Variants in RSL1D1 observed in about 807,000 individuals in gnomAD.
RSL1D1 encodes the protein ribosomal L1 domain containing 1.
In RSL1D1, 34 loss-of-function variants were observed where a neutral mutation model predicts 44.6. That is an observed-to-expected ratio of 0.76 (90% confidence interval 0.58 to 1.02). The LOEUF is 1.02. Among genes scored for constraint, RSL1D1 ranks in the 50% least tolerant of loss-of-function variants. The pLI, the probability that RSL1D1 is intolerant of heterozygous loss-of-function variation, is 0.00. For synonymous variants in RSL1D1, 271 were observed against 207.4 expected (o/e 1.31, Z -2.63); for missense variants, 767 against 568.1 (o/e 1.35, Z -3.56).
chr16:11,839,045 G>A (rs2053743509), intron 8 of RSL1D1, among the ~76,000 whole-genome samples: 1 of 151,930 alleles, frequency 6.6e-6, no homozygotes, highest in Non-Finnish European at 1.5e-5. Context: ...ATGGTGTAGG[G>A]CAAGGGTTCC....
rs2053735505 is a variant in RSL1D1 at position 11,838,130 on chromosome 16, T to A, written c.1147-17A>T. On this transcript the variant is annotated splice_polypyrimidine_tract_variant and intron_variant, in intron 8 of 8. Coordinates refer to ENST00000571133, the MANE Select transcript of RSL1D1 (RefSeq NM_015659.3). ...TTTTTGAATCTAAGAAAAAAAAAAG[T>A]AAGTTTAATATAGAAAAAGCCACAA... The A allele has an allele frequency of 6.5e-7, 1 of 1,530,896 alleles. No homozygotes were observed. The highest frequency in any genetic ancestry group is 1.4e-5 in the African/African-American group (1 of 71,398). The allele number at this position is 1,530,896 out of a possible 1,614,324, so 94.8% of individuals were successfully genotyped here.
chr16:11,839,355 G>A (rs1448490664), intron 8 of RSL1D1, among the ~76,000 whole-genome samples: 1 of 139,560 alleles, frequency 7.2e-6, no homozygotes, highest in East Asian at 2.1e-4. Context: ...GACAGAGTGA[G>A]ACTCCATCTT....
At position 11,851,469 on chromosome 16, in the gene RSL1D1, G is replaced by A. The variant is rs1179464797; in HGVS notation, c.44C>T (p.Thr15Ile). 1.7e-5 allele frequency: 27 copies of A among 1,613,992 alleles called. No individual in the cohort carries two copies. Among genetic ancestry groups the A allele is most frequent in the Middle Eastern group, 1.7e-4 (1 of 6,042 alleles). ...CGCTGGAGTCGAGGTGGAGGTTCCA[G>A]TAGCGGCTGCAGAAGACAGCGAGGC... is the stretch of plus-strand genomic sequence containing the variant. Reference protein sequence around the residue: ...ASASLSSAAATGTSTSTPAAP... With the variant: ...ASASLSSAAAIGTSTSTPAAP... Residue 15 changes from threonine to isoleucine, a missense_variant, in exon 1 of 9, where the codon ACT becomes ATT. Coordinates refer to ENST00000571133, the MANE Select transcript of RSL1D1 (RefSeq NM_015659.3).
intron 2 of RSL1D1, among the ~76,000 whole-genome samples, chr16:11,848,014 G>C (rs1295932400): frequency 6.6e-6 from 1 of 152,182 alleles, no homozygotes; most frequent in Non-Finnish European, 1.5e-5. Context: ...ACTTTAGGGA[G>C]GCCAAGGCAG....
chr16:11,840,907 G>A (rs2053760341), intron 7 of RSL1D1, among the ~76,000 whole-genome samples: 1 of 152,188 alleles, frequency 6.6e-6, no homozygotes. Context: ...GAGCTATCAG[G>A]ATTAAACTCC....
rs200869091 is a variant in RSL1D1 at position 11,846,777 on chromosome 16, T to C, written c.451A>G (p.Ser151Gly). 3.1e-6 allele frequency: 5 copies of C among 1,613,362 alleles called. No individual in the cohort carries two copies. Among genetic ancestry groups the C allele is most frequent in the Non-Finnish European group, 4.2e-6 (5 of 1,179,518 alleles). Residue 151 changes from serine (S) to glycine (G), a missense_variant, in exon 4 of 9, where the codon AGT (serine) becomes GGT (glycine). Physicochemically the swap from Ser to Gly is moderately conservative, Grantham distance 56. Coordinates refer to ENST00000571133, the MANE Select transcript of RSL1D1 (RefSeq NM_015659.3). ...GCATCAGTAAGGAAGAAATCAAAAC[T>C]GCTCAGAAGGCGGAGCTTGGCTTCA... ...SYEAKLRLLS[S>G]FDFFLTDARI...
In RSL1D1 at chr16:11,841,785, AG is replaced by A; in HGVS notation, c.764del (p.Thr255MetfsTer76). 5 of 1,614,096 alleles carry A rather than the reference AG, an allele frequency of 3.1e-6. No individual in the cohort carries two copies. The highest frequency in any genetic ancestry group is 3.4e-6 in the Non-Finnish European group (4 of 1,179,970). On this transcript the variant is annotated frameshift_variant, in exon 7 of 9. Transcript: ENST00000571133. LOFTEE classifies it high-confidence loss of function. ...WESVKLLFVK[T>X]EKSAALPIFS... ...AGATGGGAAGTGCAGCCGATTTCTC[AG>A]TTTTCACAAACAGGAGTTTCACGCT... is the stretch of plus-strand genomic sequence containing the variant.
chr16:11,849,628 T>C (rs1006088184), intron 2 of RSL1D1, among the ~76,000 whole-genome samples: 9 of 152,286 alleles, frequency 5.9e-5, no homozygotes, highest in Middle Eastern at 3.4e-3. Flanking sequence ...AGGAATAAAT[T>C]GTAGCCCCAA....
chr16:11,845,612 T>G (rs941786683), intron 5 of RSL1D1, among the ~76,000 whole-genome samples: 4 of 152,188 alleles, frequency 2.6e-5, no homozygotes, highest in African/African-American at 9.6e-5. Context: ...ACATTTCAAG[T>G]GCTCAATAGC....
At chr16:11,845,289 C>A (rs980276362) in intron 5 of RSL1D1, among the ~76,000 whole-genome samples, 2 of 152,072 alleles carry the variant, frequency 1.3e-5, no homozygotes, top group Non-Finnish European at 2.9e-5. Context: ...CCCGCCGCTA[C>A]AAAACATTGA....
chr16:11,842,609 A>C (rs1404364998), intron 5 of RSL1D1, among the ~76,000 whole-genome samples: 1 of 152,110 alleles, frequency 6.6e-6, no homozygotes, highest in African/African-American at 2.4e-5. Context: ...CCTGGGCTCA[A>C]GTGATCCTCC....
Position 11,847,781 on chromosome 16 carries a change from C to A in RSL1D1, c.271G>T (p.Asp91Tyr). The A allele has an allele frequency of 6.2e-7, 1 of 1,613,510 alleles. No homozygotes were observed. The highest frequency in any genetic ancestry group is 8.5e-7 in the Non-Finnish European group (1 of 1,179,790). Residue 91 changes from aspartate (D) to tyrosine (Y), a missense_variant, in exon 3 of 9, where the codon GAT (aspartate) becomes TAT (tyrosine). Transcript: ENST00000571133. ...GTAAATAAACAGATATCTTCTGAAT[C>A]TGATCGAATACTATGAGGCAAGGTC... Reference protein sequence around the residue: ...RLTLPHSIRSDSEDICLFTKD... With the variant: ...RLTLPHSIRSYSEDICLFTKD...
intron 8 of RSL1D1, 148 bp downstream of exon 8, chr16:11,839,544 AAAG>A (rs2053748474): frequency 3.9e-5 from 42 of 1,073,714 alleles, no homozygotes; most frequent in Non-Finnish European, 4.6e-5. Flanking sequence ...AAAAAAAAAA[AAAG>A]GTACAATAAA....
chr16:11,837,645 T>C lies in RSL1D1; in HGVS notation c.*142A>G. The stretch of plus-strand genomic sequence containing the variant: ...GATTACAGGCGTGAGCCACCGCCCC[T>C]GGACTACTTATGGAGGTTTTAAAAA... On this transcript the variant is annotated 3_prime_UTR_variant, in exon 9 of 9. Transcript: ENST00000571133. The C allele has an allele frequency of 1.3e-6, 1 of 773,012 alleles. No homozygotes were observed. Among genetic ancestry groups the C allele is most frequent in the Non-Finnish European group, 2.1e-6 (1 of 475,392 alleles). The allele number at this position is 773,012 out of a possible 1,614,324, so 47.9% of individuals were successfully genotyped here. A position where few individuals can be genotyped will look rare whatever the true frequency, so the allele number is the denominator to read the frequency against.
chr16:11,840,382 A>G (rs141435523), intron 7 of RSL1D1, among the ~76,000 whole-genome samples: 3 of 152,272 alleles, frequency 2.0e-5, no homozygotes, highest in African/African-American at 7.2e-5. Context: ...CCTGGTAAAC[A>G]TGGTGAAACC....
At chr16:11,846,404 AAAC>A in intron 5 of RSL1D1, 94 bp downstream of exon 5, 2 of 730,746 alleles carry the variant, frequency 2.7e-6, no homozygotes, top group Non-Finnish European at 2.2e-6. Context: ...CAAAAAAAAA[AAAC>A]AAAAACAAAA....
chr16:11,851,067 G>A (rs2053833831), intron 1 of RSL1D1: 1 of 379,090 alleles, frequency 2.6e-6, no homozygotes, highest in Non-Finnish European at 5.1e-6. Flanking sequence ...ATAACGGGGA[G>A]CCGAAGGGCC....
chr16:11,839,805 TC>T lies in RSL1D1; in HGVS notation c.1035del (p.Lys347AsnfsTer25). The T allele has an allele frequency of 6.2e-7, 1 of 1,614,204 alleles. No homozygotes were observed. Among genetic ancestry groups the T allele is most frequent in the African/African-American group, 1.3e-5 (1 of 75,050 alleles). ...SKKEQTPEHG[K>X]KKRGRGKAQV... ...TGGGCTTTTCCTCTGCCACGTTTTTTCTTCCCATGCTCTGGGGTCTGTTCCT... is the reference window on the plus strand; with the variant it reads ...TGGGCTTTTCCTCTGCCACGTTTTTTTTCCCATGCTCTGGGGTCTGTTCCT... On this transcript the variant is annotated frameshift_variant, in exon 8 of 9. Coordinates refer to ENST00000571133, the MANE Select transcript of RSL1D1 (RefSeq NM_015659.3). LOFTEE classifies it high-confidence loss of function.
At chr16:11,838,167 C>T in intron 8 of RSL1D1, 54 bp from the exon 9 acceptor site, 1 of 1,338,358 alleles carries the variant, frequency 7.5e-7, no homozygotes, top group Non-Finnish European at 1.0e-6. Context: ...ACCTGACACT[C>T]TAACTCCAGG....
Sources: allele counts gnomAD v4.1 joint callset (sites outside exome capture counted in the v4.1 genomes callset), GRCh38; gene constraint gnomAD v4.1.1; transcripts MANE v1.5; gene names NCBI Gene and HGNC (gene_info 2026-07-23, HGNC 2026-07-21).